Variants in HPD observed in about 807,000 individuals in gnomAD.
HPD encodes 4-hydroxyphenylpyruvate dioxygenase.
In HPD, 35 loss-of-function variants were observed where a neutral mutation model predicts 56.9. The observed-to-expected ratio is 0.62, with a 90% CI of 0.47 to 0.82. The LOEUF is 0.82. HPD is among the 40% of genes least tolerant of loss of function. The pLI, the probability that HPD is intolerant of heterozygous loss-of-function variation, is 0.00. For synonymous variants in HPD, 186 were observed against 200.2 expected (o/e 0.93, Z 0.60); for missense variants, 442 against 506.8 (o/e 0.87, Z 1.23).
intron 9 of HPD, among the ~76,000 whole-genome samples, chr12:121,848,023 C>T (rs1314043680): frequency 6.6e-6 from 1 of 152,152 alleles, no homozygotes; most frequent in African/African-American, 2.4e-5. Context: ...GAACGAAATA[C>T]ATACAGGACG....
Position 121,855,277 on chromosome 12 carries a change from G to A in HPD, c.325-485C>T, listed in dbSNP as rs963997767. ...TTATCATCTCCATTCTCTAGGTGAG[G>A]ACGTTGAAGCACAGAGACATTAAGT... is the stretch of plus-strand genomic sequence containing the variant. On this transcript the variant is annotated intron_variant, in intron 6 of 13. Transcript: ENST00000289004. 3.9e-5 allele frequency among the ~76,000 whole-genome samples: 6 copies of A among 152,296 alleles called. No individual in the cohort carries two copies. In the East Asian group the frequency reaches 1.2e-3, roughly 29 times the overall value.
upstream of HPD, among the ~76,000 whole-genome samples, chr12:121,861,639 A>C (rs946636745): frequency 1.3e-5 from 2 of 152,212 alleles, no homozygotes. Context: ...AAATGGAGAT[A>C]CACTTTCAGG....
chr12:121,858,873 T>C (rs199549271), upstream of HPD: 1,491 of 1,611,830 alleles, frequency 9.3e-4, 27 homozygotes, highest in Admixed American at 0.022. Context: ...TGGGGAGTGC[T>C]GGGCCGGAGT....
upstream of HPD, among the ~76,000 whole-genome samples, chr12:121,867,433 T>TA (rs1459695305): frequency 6.7e-6 from 1 of 148,364 alleles, no homozygotes; most frequent in Non-Finnish European, 1.5e-5. Context: ...TTTTCTTTTC[T>TA]TTTTTTTTTA....
chr12:121,868,173 C>T (rs1013963106), upstream of HPD, among the ~76,000 whole-genome samples: 1 of 152,110 alleles, frequency 6.6e-6, no homozygotes, highest in Non-Finnish European at 1.5e-5. Flanking sequence ...CACAGCGAGA[C>T]CCTGTTCCCA....
At chr12:121,851,385 C>T (rs1193492372) in intron 7 of HPD, among the ~76,000 whole-genome samples, 5 of 149,880 alleles carry the variant, frequency 3.3e-5, no homozygotes, top group Admixed American at 6.7e-5. Flanking sequence ...CTCGCTCTGT[C>T]GCCCAGGCTG....
the HPD span, among the ~76,000 whole-genome samples, chr12:121,876,845 A>AGGCTGAAGTG: frequency 2.6e-5 from 4 of 152,036 alleles, no homozygotes; most frequent in Non-Finnish European, 4.4e-5. Context: ...GATCTTTGGG[A>AGGCTGAAGTG]GGCTGAAGTG....
At chr12:121,877,094 C>CAAAAAAAAAA in the HPD span, among the ~76,000 whole-genome samples, 1 of 117,772 alleles carries the variant, frequency 8.5e-6, no homozygotes, top group Non-Finnish European at 1.8e-5. Context: ...ACTCCATCTC[C>CAAAAAAAAAA]AAAAAAAAAA....
intron 6 of HPD, among the ~76,000 whole-genome samples, chr12:121,855,729 A>ACACACAC (rs915470646): frequency 1.3e-5 from 2 of 150,262 alleles, no homozygotes; most frequent in African/African-American, 4.9e-5. Context: ...ACACACACAC[A>ACACACAC]AAAGAAAGAA....
upstream of HPD, among the ~76,000 whole-genome samples, chr12:121,864,070 A>G (rs7964781): frequency 7.3e-6 from 1 of 136,578 alleles, no homozygotes; most frequent in African/African-American, 2.8e-5. Context: ...TCTACTAAAA[A>G]TACAAAAAAA....
rs200866898 is a variant in HPD at position 121,843,696 on chromosome 12, T to G, written c.954+14A>C. On this transcript the variant is annotated intron_variant, in intron 12 of 13. Coordinates refer to ENST00000289004, the MANE Select transcript of HPD (RefSeq NM_002150.3). Reference sequence around the variant, plus strand: ...ACTCCCCCCACAAGGCTGCGGATCCTGCCTGGGCCTCACCTCCAGGGCATC... The same window carrying G: ...ACTCCCCCCACAAGGCTGCGGATCCGGCCTGGGCCTCACCTCCAGGGCATC... 934 of 1,613,982 alleles carry G rather than the reference T, an allele frequency of 5.8e-4. No homozygotes were observed. Among genetic ancestry groups the G allele is most frequent in the Non-Finnish European group, 7.5e-4 (883 of 1,179,944 alleles).
At chr12:121,855,972 C>CAAA (rs57671436) in intron 6 of HPD, among the ~76,000 whole-genome samples, 7,383 of 64,862 alleles carry the variant, frequency 0.11, 638 homozygotes, top group African/African-American at 0.22. Context: ...CTCCGTCTCA[C>CAAA]AAAAAAAAAA....
At chr12:121,870,506 CAA>C in the HPD span, among the ~76,000 whole-genome samples, 27 of 83,764 alleles carry the variant, frequency 3.2e-4, no homozygotes, top group Admixed American at 2.7e-4. Context: ...GACTCTGTCT[CAA>C]AAAAAAAAAA....
At chr12:121,871,871 C>T in the HPD span, among the ~76,000 whole-genome samples, 3 of 151,984 alleles carry the variant, frequency 2.0e-5, no homozygotes, top group African/African-American at 7.2e-5. Context: ...AGGATGTCCT[C>T]TGTTCCTGGC....
chr12:121,857,719 G>T, intron 3 of HPD, 38 bp downstream of exon 3: 1 of 1,572,702 alleles, frequency 6.4e-7, no homozygotes, highest in Non-Finnish European at 8.8e-7. Flanking sequence ...CCTCTGCCCT[G>T]CCGTCTGCTC....
intron 9 of HPD, 140 bp from the exon 10 acceptor site, chr12:121,847,354 A>G (rs1331837494): frequency 1.3e-6 from 1 of 772,868 alleles, no homozygotes; most frequent in Non-Finnish European, 2.2e-6. Flanking sequence ...TCAGAGATTT[A>G]GATCTTTTTG....
Position 121,847,341 on chromosome 12 carries a change from C to T in HPD, c.597-127G>A, listed in dbSNP as rs1003099045. Reference sequence around the variant, plus strand: ...AAAGGAGATGCCACTGCCATCATACCCATCAGAGATTTAGATCTTTTTGTT... The same window carrying T: ...AAAGGAGATGCCACTGCCATCATACTCATCAGAGATTTAGATCTTTTTGTT... On this transcript the variant is annotated intron_variant, in intron 9 of 13. Transcript: ENST00000289004. 5.0e-6 allele frequency: 4 copies of T among 804,114 alleles called. No individual in the cohort carries two copies. The African/African-American group carries it at 5.1e-5, about 10-fold the overall frequency. The allele number at this position is 804,114 out of a possible 1,614,324, so 49.8% of individuals were successfully genotyped here.
At chr12:121,879,041 T>C in the HPD span, among the ~76,000 whole-genome samples, 2 of 152,190 alleles carry the variant, frequency 1.3e-5, no homozygotes, top group South Asian at 4.2e-4. Flanking sequence ...TCCCAGCACT[T>C]TGGGAGGCTG....
At chr12:121,855,868 G>T (rs1376009917) in intron 6 of HPD, among the ~76,000 whole-genome samples, 1 of 150,928 alleles carries the variant, frequency 6.6e-6, no homozygotes, top group African/African-American at 2.4e-5. Flanking sequence ...TACTTAGGAG[G>T]CTGAGGCAGG....
Sources: allele counts gnomAD v4.1 joint callset (sites outside exome capture counted in the v4.1 genomes callset), GRCh38; gene constraint gnomAD v4.1.1; transcripts MANE v1.5; gene names NCBI Gene and HGNC (gene_info 2026-07-23, HGNC 2026-07-21).